The following IGF2R variants were observed in gnomAD, a reference collection of about 807,000 sequenced individuals.
IGF2R encodes the protein insulin like growth factor 2 receptor.
IGF2R carries 91 observed loss-of-function variants against 270.6 expected under a neutral mutation model. The ratio of observed to expected loss-of-function variants is 0.34; its 90% CI spans 0.28 to 0.40. The LOEUF (loss-of-function observed/expected upper bound fraction) is 0.40, where lower values mean the gene tolerates loss of function less well. Ranked by LOEUF, IGF2R falls within the 10% of genes least tolerant of loss-of-function variation. The probability of loss-of-function intolerance (pLI) is 1.00; values close to 1 mark genes in which losing one functional copy is unlikely to be tolerated. For missense variants in IGF2R, 2,805 were observed against 3,188.3 expected (o/e 0.88, Z 2.90); for synonymous variants, 1,316 against 1,258.9 (o/e 1.05, Z -0.96).
chr6:160,078,046 G>T (rs535838656), intron 36 of IGF2R, among the ~76,000 whole-genome samples, 155 bp from the exon 37 acceptor site: 1 of 152,364 alleles, frequency 6.6e-6, no homozygotes, highest in South Asian at 2.1e-4. Context: ...GTGCCTTGAA[G>T]ATGGCATTGG....
Position 160,072,792 on chromosome 6 carries a change from G to A in IGF2R, c.4598G>A (p.Ser1533Asn), listed in dbSNP as rs1778771812. Residue 1533 changes from serine (S) to asparagine (N), a missense_variant, in exon 33 of 48, where the codon AGT becomes AAT. By Grantham distance (46) the Ser-to-Asn change is conservative (BLOSUM62 1). Around this residue, in one of 2 missense-constraint regions of IGF2R, gnomAD observed 1,851 missense variants for 2,207.2 expected, o/e 0.84. Transcript: ENST00000356956. ...TGHLFDLSSL[S>N]GRAGFTAAYS... ...CACCTGTTTGATCTGAGCTCCTTAA[G>A]TGGCAGGGCGGGATTCACAGCTGCT... 4.3e-6 allele frequency: 7 copies of A among 1,614,232 alleles called. No individual in the cohort carries two copies. The highest frequency in any genetic ancestry group is 5.9e-6 in the Non-Finnish European group (7 of 1,180,036).
At chr6:160,016,401 T>G (rs1777301474) in intron 4 of IGF2R, among the ~76,000 whole-genome samples, 1 of 152,184 alleles carries the variant, frequency 6.6e-6, no homozygotes, top group African/African-American at 2.4e-5. Context: ...TTCCTCAATC[T>G]GCCTTGCTGG....
At chr6:160,020,056 C>G (rs897198309) in intron 4 of IGF2R, among the ~76,000 whole-genome samples, 26 of 152,118 alleles carry the variant, frequency 1.7e-4, no homozygotes, top group Admixed American at 1.7e-3. Flanking sequence ...ACCTAGAAAA[C>G]TCTAAAGTTT....
intron 10 of IGF2R, among the ~76,000 whole-genome samples, chr6:160,037,999 A>G (rs542544545): frequency 3.0e-4 from 45 of 152,268 alleles, no homozygotes; most frequent in South Asian, 4.1e-4. Context: ...GAGTTTAGCT[A>G]TGTGTCTAGA....
intron 35 of IGF2R, among the ~76,000 whole-genome samples, chr6:160,074,664 A>G (rs1407793250): frequency 6.6e-6 from 1 of 152,210 alleles, no homozygotes; most frequent in Non-Finnish European, 1.5e-5. Context: ...ATGTTTTAAT[A>G]TTTGAATGTA....
At chr6:159,969,766 T>C (rs1215767840) in intron 1 of IGF2R, among the ~76,000 whole-genome samples, 1 of 152,124 alleles carries the variant, frequency 6.6e-6, no homozygotes, top group Non-Finnish European at 1.5e-5. Context: ...CCAGTTTGCT[T>C]TGTTCCCGCT....
intron 39 of IGF2R, among the ~76,000 whole-genome samples, chr6:160,081,374 A>T (rs1006081560): frequency 1.3e-5 from 2 of 152,066 alleles, no homozygotes; most frequent in African/African-American, 4.8e-5. Context: ...TTCAAAGGGG[A>T]GGGAGTGTAC....
chr6:160,028,239 C>T (rs568571831), intron 6 of IGF2R, among the ~76,000 whole-genome samples: 228 of 152,332 alleles, frequency 1.5e-3, no homozygotes, highest in African/African-American at 5.3e-3. Flanking sequence ...TGTGTCTTCA[C>T]GTGGCCTTCC....
intron 31 of IGF2R, among the ~76,000 whole-genome samples, chr6:160,070,689 C>T (rs1219270838): frequency 6.6e-6 from 1 of 152,148 alleles, no homozygotes; most frequent in Non-Finnish European, 1.5e-5. Context: ...GTGGTGAGCC[C>T]CAGTGCTAGC....
At chr6:160,037,482 T>C (rs1777853527) in intron 10 of IGF2R, among the ~76,000 whole-genome samples, 1 of 152,162 alleles carries the variant, frequency 6.6e-6, no homozygotes, top group Non-Finnish European at 1.5e-5. Flanking sequence ...GGTGAACGAG[T>C]GTTAATTGGC....
intron 1 of IGF2R, 35 bp from the exon 2 acceptor site, chr6:159,991,149 A>T (rs112777179): frequency 1.9e-6 from 3 of 1,573,534 alleles, no homozygotes; most frequent in African/African-American, 1.4e-5. Flanking sequence ...TTGATAAATC[A>T]GTGACATTGA....
At chr6:160,071,730 C>T (rs1778742993) in intron 31 of IGF2R, among the ~76,000 whole-genome samples, 180 bp from the exon 32 acceptor site, 1 of 152,186 alleles carries the variant, frequency 6.6e-6, no homozygotes, top group East Asian at 1.9e-4. Flanking sequence ...ATGGTGGCAG[C>T]TCAGGACACA....
rs1779609380 is a variant in IGF2R, at chr6:160,105,961, A to G, written c.*877A>G. 6.6e-6 allele frequency: 1 copy of G among 152,284 alleles called. No homozygotes were observed. The highest frequency in any genetic ancestry group is 2.4e-5 in the African/African-American group (1 of 41,308). 9.4% of individuals were successfully genotyped at this position (152,284 alleles called of 1,614,324 possible). ...TGTGAGTGGAGTTGAGGTGTCAGAG[A>G]AAATGAATTTTTTCCAGATTTGGGG... On this transcript the variant is annotated 3_prime_UTR_variant, in exon 48 of 48. Transcript: ENST00000356956.
rs1779055027 is a variant in IGF2R, at chr6:160,084,435, C to T, written c.6068+251C>T. On this transcript the variant is annotated intron_variant, in intron 40 of 47. Transcript: ENST00000356956. The surrounding 1 kb of genome is among the most constrained non-coding windows in gnomAD (Gnocchi z 4.6). ...AACGGAGCCTCTGGAGCTGGAAGAA[C>T]CTGGGCGGACTGAGTTAGGCTGGGT... 6.6e-6 allele frequency among the ~76,000 whole-genome samples: 1 copy of T among 152,118 alleles called. No homozygotes were observed. Among genetic ancestry groups the T allele is most frequent in the Non-Finnish European group, 1.5e-5 (1 of 68,030 alleles).
chr6:160,062,746 G>A (rs1201849453), intron 26 of IGF2R, 127 bp downstream of exon 26: 1 of 608,786 alleles, frequency 1.6e-6, no homozygotes, highest in African/African-American at 1.9e-5. Flanking sequence ...ACGCTAGGGG[G>A]AGGATAATTT....
At chr6:160,098,515 C>A (rs1354744374) in intron 45 of IGF2R, among the ~76,000 whole-genome samples, 1 of 152,044 alleles carries the variant, frequency 6.6e-6, no homozygotes, top group Non-Finnish European at 1.5e-5. Flanking sequence ...CAGTGTTGTA[C>A]ATTGTAGAAT....
intron 27 of IGF2R, among the ~76,000 whole-genome samples, chr6:160,064,095 G>A (rs1209965543): frequency 6.6e-6 from 1 of 152,228 alleles, no homozygotes; most frequent in African/African-American, 2.4e-5. Context: ...CAAAGTAGCT[G>A]GTGGTGAGTA....
chr6:159,972,458 A>G (rs1190509209), intron 1 of IGF2R, among the ~76,000 whole-genome samples: 1 of 152,232 alleles, frequency 6.6e-6, no homozygotes, highest in East Asian at 1.9e-4. Context: ...CCCAGACACC[A>G]TATGGCTTTA....
chr6:160,051,572 AAGACCAC>A (rs1778196395), intron 19 of IGF2R, among the ~76,000 whole-genome samples: 1 of 152,176 alleles, frequency 6.6e-6, no homozygotes, highest in South Asian at 2.1e-4. Context: ...CCAAACCACA[AAGACCAC>A]AGATAGGAAT....
Sources: allele counts gnomAD v4.1 joint callset (sites outside exome capture counted in the v4.1 genomes callset), GRCh38; gene constraint gnomAD v4.1.1; regional missense constraint gnomAD v4.1.1; non-coding constraint Gnocchi (gnomAD v3.1); transcripts MANE v1.5; gene names NCBI Gene and HGNC (gene_info 2026-07-23, HGNC 2026-07-21).